ATP10B: variants seen among roughly 807,000 people sequenced by gnomAD.
The protein encoded by ATP10B is ATPase phospholipid transporting 10B (putative).
ATP10B carries 122 observed loss-of-function variants against 141.2 expected under a neutral mutation model. The ratio of observed to expected loss-of-function variants is 0.86; its 90% CI spans 0.75 to 1.00. ATP10B has a LOEUF of 1.00. Among genes scored for constraint, ATP10B ranks in the 50% least tolerant of loss-of-function variants. The pLI, the probability that ATP10B is intolerant of heterozygous loss-of-function variation, is 0.00. For missense variants in ATP10B, 1,876 were observed against 1,825.3 expected (o/e 1.03, Z -0.51); for synonymous variants, 685 against 692.0 (o/e 0.99, Z 0.16).
rs547179505 is a variant in ATP10B, at chr5:160,762,429, A to G, written c.-331+23130T>C. 1.5e-4 allele frequency among the ~76,000 whole-genome samples: 23 copies of G among 152,324 alleles called. No homozygotes were observed. In the South Asian group the frequency reaches 2.9e-3, roughly 19 times the overall value. ...TCGTTAGCCTCCTTAACAAATAATT[A>G]TCAGCCAAGAATTTTGTATCCAGCA... On this transcript the variant is annotated intron_variant, in intron 2 of 25. Coordinates refer to ENST00000327245, the MANE Select transcript of ATP10B (RefSeq NM_025153.3).
intron 3 of ATP10B, among the ~76,000 whole-genome samples, chr5:160,702,143 T>C (rs750170255): frequency 6.6e-5 from 10 of 152,232 alleles, no homozygotes; most frequent in Non-Finnish European, 1.3e-4. Flanking sequence ...CACTAAGAAA[T>C]ACTTCACTTA....
rs369026489 is a variant in ATP10B at position 160,742,759 on chromosome 5, G to A, written c.-330-25725C>T. 7.4e-4 allele frequency among the ~76,000 whole-genome samples: 112 copies of A among 152,238 alleles called. 2 individuals carry two copies. In the South Asian group the frequency reaches 0.013, roughly 18 times the overall value. On this transcript the variant is annotated intron_variant, in intron 2 of 25. Coordinates refer to ENST00000327245, the MANE Select transcript of ATP10B (RefSeq NM_025153.3). Reference sequence around the variant, plus strand: ...GAGTTGTTTAGGGAATTTGGGGGGAGGATTTGGGGATTTTTTGGGACTTCC... The same window carrying A: ...GAGTTGTTTAGGGAATTTGGGGGGAAGATTTGGGGATTTTTTGGGACTTCC...
In ATP10B at chr5:160,688,008, A is replaced by C. The variant is rs1763869083; in HGVS notation, c.67T>G (p.Cys23Gly). The C allele has an allele frequency of 6.2e-7, 1 of 1,613,968 alleles. No individual in the cohort carries two copies. The highest frequency in any genetic ancestry group is 8.5e-7 in the Non-Finnish European group (1 of 1,180,010). ...AGCAGCGGTGTGGTTTCCGATGGAC[A>C]ATGGGGGAAGCCATCTCTGACTCTC... is the stretch of plus-strand genomic sequence containing the variant. ...QWRVRDGFPH[C>G]PSETTPLLSP... The change falls in exon 5 of 26, where the codon TGT becomes GGT. Residue 23 changes from cysteine to glycine, a missense_variant. Physicochemically the swap from Cys to Gly is radical, Grantham distance 159. Transcript: ENST00000327245.
chr5:160,732,518 T>C (rs1273819223), intron 2 of ATP10B, among the ~76,000 whole-genome samples: 1 of 152,190 alleles, frequency 6.6e-6, no homozygotes, highest in African/African-American at 2.4e-5. Context: ...CTTCTGCATA[T>C]GGATATGCAG....
At chr5:160,666,360 A>G (rs146139453) in intron 7 of ATP10B, among the ~76,000 whole-genome samples, 55 of 152,306 alleles carry the variant, frequency 3.6e-4, no homozygotes, top group African/African-American at 1.3e-3. Context: ...ATTATGATAC[A>G]CCTTCAACAC....
At chr5:160,698,087 G>A (rs894682379) in intron 3 of ATP10B, among the ~76,000 whole-genome samples, 21 of 152,092 alleles carry the variant, frequency 1.4e-4, no homozygotes, top group African/African-American at 5.1e-4. Context: ...TTTCTCCCTC[G>A]AACTTTACAT....
chr5:160,878,853 T>G, the ATP10B span, among the ~76,000 whole-genome samples: 19 of 149,616 alleles, frequency 1.3e-4, no homozygotes, highest in African/African-American at 3.9e-4. Context: ...CTCACACCAG[T>G]TAGAATGGCA....
the ATP10B span, among the ~76,000 whole-genome samples, chr5:160,874,796 G>A: frequency 6.7e-6 from 1 of 150,278 alleles, no homozygotes; most frequent in Non-Finnish European, 1.5e-5. Flanking sequence ...AATGGAAGAT[G>A]AAATGAATGA....
intron 1 of ATP10B, among the ~76,000 whole-genome samples, chr5:160,849,687 T>C (rs1294123205): frequency 6.6e-6 from 1 of 151,640 alleles, no homozygotes. Context: ...TTGCCAAGGT[T>C]ACACAATTAT....
chr5:160,841,587 A>G lies in ATP10B; in HGVS notation c.-576+10354T>C, dbSNP rs376286582. 3.0e-4 allele frequency among the ~76,000 whole-genome samples: 46 copies of G among 152,314 alleles called. No individual in the cohort carries two copies. The South Asian group carries it at 9.3e-3, about 31-fold the overall frequency. On this transcript the variant is annotated intron_variant, in intron 1 of 25. Coordinates refer to ENST00000327245, the MANE Select transcript of ATP10B (RefSeq NM_025153.3). ...TGACAAAGATGGGAAGGAGAAAAAT[A>G]AAACTGAAAAATAAACTCAGCTATA...
chr5:160,839,975 T>C (rs1775713633), intron 1 of ATP10B, among the ~76,000 whole-genome samples: 1 of 151,922 alleles, frequency 6.6e-6, no homozygotes, highest in Non-Finnish European at 1.5e-5. Flanking sequence ...GTAAAATATA[T>C]AATAAGAAAA....
chr5:160,584,314 G>T (rs1021361183), intron 24 of ATP10B, among the ~76,000 whole-genome samples: 2 of 151,956 alleles, frequency 1.3e-5, no homozygotes, highest in Non-Finnish European at 2.9e-5. Flanking sequence ...TGCTTTCCGG[G>T]TGAGGCAATG....
intron 3 of ATP10B, among the ~76,000 whole-genome samples, chr5:160,692,165 TCTTTA>T (rs1479266546): frequency 6.6e-6 from 1 of 152,214 alleles, no homozygotes; most frequent in Non-Finnish European, 1.5e-5. Context: ...ATAAGAATAG[TCTTTA>T]CTTTTTTTAA....
In ATP10B at chr5:160,791,552, T is replaced by A. The variant is rs181789792; in HGVS notation, c.-575-5749A>T. ...CTATGGTGTCACCAGGAAAGAAGGATGATTCTGACTTTCTGCTGTTACTTC... is the reference window on the plus strand; with the variant it reads ...CTATGGTGTCACCAGGAAAGAAGGAAGATTCTGACTTTCTGCTGTTACTTC... On this transcript the variant is annotated intron_variant, in intron 1 of 25. Coordinates refer to ENST00000327245, the MANE Select transcript of ATP10B (RefSeq NM_025153.3). 9.1e-4 allele frequency among the ~76,000 whole-genome samples: 138 copies of A among 152,292 alleles called. No individual in the cohort carries two copies. The South Asian group carries it at 0.017, about 18-fold the overall frequency.
At chr5:160,857,430 G>C in the ATP10B span, among the ~76,000 whole-genome samples, 1 of 151,618 alleles carries the variant, frequency 6.6e-6, no homozygotes, top group African/African-American at 2.4e-5. Context: ...TCTCTTGTCA[G>C]TCTTGCTGGA....
At chr5:160,828,785 T>C (rs1400215020) in intron 1 of ATP10B, among the ~76,000 whole-genome samples, 2 of 151,402 alleles carry the variant, frequency 1.3e-5, no homozygotes, top group African/African-American at 4.9e-5. Flanking sequence ...CTATTCACAA[T>C]AGCAAAGACT....
At chr5:160,855,777 G>A (rs1325783487), upstream of ATP10B, among the ~76,000 whole-genome samples, 1 of 151,656 alleles carries the variant, frequency 6.6e-6, no homozygotes, top group African/African-American at 2.4e-5. Context: ...AAACTGTAAT[G>A]TTAAGATCAA....
chr5:160,742,877 T>G (rs1767574829), intron 2 of ATP10B, among the ~76,000 whole-genome samples: 1 of 152,214 alleles, frequency 6.6e-6, no homozygotes, highest in Admixed American at 6.5e-5. Context: ...AATTGCTTTT[T>G]GAAATTATTT....
the ATP10B span, among the ~76,000 whole-genome samples, chr5:160,875,117 T>A: frequency 2.4e-4 from 30 of 122,970 alleles, no homozygotes; most frequent in African/African-American, 8.5e-4. Context: ...GGAAAAAATG[T>A]TAAGGGCAGC....
Sources: gnomAD v4.1 joint callset for allele counts (sites outside exome capture counted in the v4.1 genomes callset) on GRCh38, gnomAD v4.1.1 for gene constraint, MANE v1.5 for transcripts, NCBI Gene and HGNC (gene_info 2026-07-23, HGNC 2026-07-21) for gene names.